Variants in DPP6 observed in about 807,000 individuals in gnomAD.
The protein encoded by DPP6 is dipeptidyl peptidase like 6.
A neutral mutation model predicts 122.6 loss-of-function variants in DPP6; 69 were observed. The ratio of observed to expected loss-of-function variants is 0.56; its 90% CI spans 0.46 to 0.69. The LOEUF (loss-of-function observed/expected upper bound fraction) is 0.69. Ranked by LOEUF, DPP6 falls within the 30% of genes least tolerant of loss-of-function variation. The pLI is 0.00. For missense variants in DPP6, 928 were observed against 1,116.9 expected, an observed-to-expected ratio of 0.83 and a Z score of 2.41; for synonymous variants, 418 against 433.1, an observed-to-expected ratio of 0.97 and a Z score of 0.43.
chr7:154,523,216 G>A lies in DPP6; in HGVS notation c.458-17316G>A, dbSNP rs547782898. On this transcript the variant is annotated intron_variant, in intron 3 of 25. Transcript: ENST00000377770. Reference sequence around the variant, plus strand: ...GACATTACTGTGGTCTTTCTAACTCGTTCTTTTCTTTTTTTTGAGACGGAG... The same window carrying A: ...GACATTACTGTGGTCTTTCTAACTCATTCTTTTCTTTTTTTTGAGACGGAG... 2.6e-5 allele frequency among the ~76,000 whole-genome samples: 4 copies of A among 152,178 alleles called. No individual in the cohort carries two copies. In the South Asian group the frequency reaches 6.2e-4, roughly 24 times the overall value.
At chr7:154,562,057 TAGAA>T (rs1177736584) in intron 4 of DPP6, among the ~76,000 whole-genome samples, 1 of 152,006 alleles carries the variant, frequency 6.6e-6, no homozygotes, top group African/African-American at 2.4e-5. Context: ...ATTAGACAAA[TAGAA>T]GAGGAGGAAG....
At chr7:154,470,173 T>C (rs1456703327) in intron 2 of DPP6, among the ~76,000 whole-genome samples, 1 of 152,188 alleles carries the variant, frequency 6.6e-6, no homozygotes, top group Non-Finnish European at 1.5e-5. Context: ...CTTGTCTCCT[T>C]TGAGTTTTGA....
At chr7:154,149,304 C>T (rs1172251579) in intron 1 of DPP6, among the ~76,000 whole-genome samples, 1 of 152,258 alleles carries the variant, frequency 6.6e-6, no homozygotes, top group Non-Finnish European at 1.5e-5. Flanking sequence ...CTCCAGGATG[C>T]TTGGCTCTGG....
chr7:154,567,489 C>T (rs1234299346), intron 5 of DPP6, among the ~76,000 whole-genome samples: 2 of 152,104 alleles, frequency 1.3e-5, no homozygotes, highest in East Asian at 1.9e-4. Flanking sequence ...CTTCCTTCTT[C>T]TTCTTGTTTT....
At chr7:154,784,183 C>T (rs1183319458) in intron 10 of DPP6, among the ~76,000 whole-genome samples, 5 of 152,058 alleles carry the variant, frequency 3.3e-5, no homozygotes, top group African/African-American at 7.2e-5. Flanking sequence ...ATCCAAGCTT[C>T]GACAGCAGCC....
the DPP6 span, among the ~76,000 whole-genome samples, chr7:153,773,862 C>CAAAAAAAAAAAAGAAAAAAAA: frequency 1.1e-5 from 1 of 90,776 alleles, no homozygotes; most frequent in Admixed American, 1.1e-4. Context: ...GCAACAAAGA[C>CAAAAAAAAAAAAGAAAAAAAA]AAAAAAAAAA....
At chr7:154,545,527 G>C (rs993074179) in intron 4 of DPP6, among the ~76,000 whole-genome samples, 1 of 101,310 alleles carries the variant, frequency 9.9e-6, no homozygotes, top group Admixed American at 1.4e-4. Flanking sequence ...TTCCTTCCTT[G>C]TAGAAATACA....
intron 7 of DPP6, among the ~76,000 whole-genome samples, chr7:154,685,194 AG>A (rs1486930639): frequency 6.6e-6 from 1 of 152,230 alleles, no homozygotes; most frequent in African/African-American, 2.4e-5. Flanking sequence ...TGTCTCATAA[AG>A]AAAAATGCCA....
chr7:154,536,677 T>G (rs1447424530), intron 3 of DPP6, among the ~76,000 whole-genome samples: 1 of 152,162 alleles, frequency 6.6e-6, no homozygotes, highest in Non-Finnish European at 1.5e-5. Context: ...AATTTCCAGA[T>G]AGCAAGATGT....
chr7:154,524,583 C>A (rs749058997), intron 3 of DPP6, among the ~76,000 whole-genome samples: 1 of 152,140 alleles, frequency 6.6e-6, no homozygotes. Flanking sequence ...GTTCTTCATG[C>A]CTTTGATCCT....
chr7:154,144,804 G>A (rs927159299), intron 1 of DPP6, among the ~76,000 whole-genome samples: 1 of 151,726 alleles, frequency 6.6e-6, no homozygotes, highest in Non-Finnish European at 1.5e-5. Context: ...AGCGGAGCTT[G>A]CTCTCTCTGC....
intron 3 of DPP6, among the ~76,000 whole-genome samples, chr7:154,493,982 T>C (rs1824507487): frequency 6.6e-6 from 1 of 152,048 alleles, no homozygotes. Flanking sequence ...GACCATCTGA[T>C]AGTTCTTATC....
At position 154,604,280 on chromosome 7, in the gene DPP6, A is replaced by G. The variant is rs1285311664; in HGVS notation, c.628-33541A>G. Among the ~76,000 whole-genome samples the G allele has an allele frequency of 4.2e-5, 5 of 119,500 alleles. 2 individuals are homozygous for G. The highest frequency in any genetic ancestry group is 1.3e-4 in the African/African-American group (5 of 37,606). The allele number at this position is 119,500 out of a possible 152,430, so 78.4% of individuals were successfully genotyped here. A position where few individuals can be genotyped will look rare whatever the true frequency, so the allele number is the denominator to read the frequency against. On this transcript the variant is annotated intron_variant, in intron 5 of 25. Transcript: ENST00000377770. ...TTTTCTCGTCTTTCTCTTCTGTTCTATTTATCTATCCTTACACAATACCAC... is the reference window on the plus strand; with the variant it reads ...TTTTCTCGTCTTTCTCTTCTGTTCTGTTTATCTATCCTTACACAATACCAC...
At chr7:154,419,120 T>C (rs1429135990) in intron 1 of DPP6, among the ~76,000 whole-genome samples, 1 of 152,258 alleles carries the variant, frequency 6.6e-6, no homozygotes, top group Non-Finnish European at 1.5e-5. Flanking sequence ...GAAAAGCTTA[T>C]GGCTTCATCC....
At chr7:153,968,927 G>A (rs1305945924) in intron 1 of DPP6, 1 of 152,164 alleles carries the variant, frequency 6.6e-6, no homozygotes. Context: ...GTAGTAGCAT[G>A]TCAGTACTTC....
At chr7:154,532,360 T>G (rs1827901604) in intron 3 of DPP6, among the ~76,000 whole-genome samples, 1 of 152,130 alleles carries the variant, frequency 6.6e-6, no homozygotes, top group Non-Finnish European at 1.5e-5. Flanking sequence ...AGGAAAAATT[T>G]TAGCTTTAAT....
chr7:154,706,949 G>C lies in DPP6; in HGVS notation c.763-20818G>C, dbSNP rs149745055. Among the ~76,000 whole-genome samples the C allele has an allele frequency of 2.1e-3, 321 of 152,316 alleles. 2 individuals are homozygous for C. Among genetic ancestry groups the C allele is most frequent in the African/African-American group, 7.4e-3 (308 of 41,574 alleles). On this transcript the variant is annotated intron_variant, in intron 7 of 25. Transcript: ENST00000377770. ...CTTGATTTTGGTTGATGTTTTGAAA[G>C]AAGGAATGATATGAGTACTTTCTGG...
chr7:154,438,302 C>A (rs1384672035), intron 1 of DPP6, among the ~76,000 whole-genome samples: 1 of 150,792 alleles, frequency 6.6e-6, no homozygotes, highest in Non-Finnish European at 1.5e-5. Flanking sequence ...CCCGTCTCGA[C>A]TAAAAAAATA....
At chr7:154,548,411 C>T (rs1406576641) in intron 4 of DPP6, among the ~76,000 whole-genome samples, 7 of 151,656 alleles carry the variant, frequency 4.6e-5, no homozygotes, top group Admixed American at 2.0e-4. Flanking sequence ...GCCTGTAGTC[C>T]CAGCTACTCG....
Sources: gnomAD v4.1 joint callset for allele counts (sites outside exome capture counted in the v4.1 genomes callset) on GRCh38, gnomAD v4.1.1 for gene constraint, MANE v1.5 for transcripts, NCBI Gene and HGNC (gene_info 2026-07-23, HGNC 2026-07-21) for gene names.